Variants in TMEM132C observed in about 807,000 individuals in gnomAD.
TMEM132C encodes transmembrane protein 132C, also known as protein phosphatase 1, regulatory subunit 152.
TMEM132C carries 29 observed loss-of-function variants against 61.4 expected under a neutral mutation model. That is an observed-to-expected ratio of 0.47 (90% confidence interval 0.35 to 0.64). The LOEUF (loss-of-function observed/expected upper bound fraction) is 0.64. Ranked by LOEUF, TMEM132C falls within the 30% of genes least tolerant of loss-of-function variation. The probability of loss-of-function intolerance (pLI) is 0.00; values close to 1 mark genes in which losing one functional copy is unlikely to be tolerated. For synonymous variants in TMEM132C, 656 were observed against 633.1 expected, an observed-to-expected ratio of 1.04 and a Z score of -0.54; for missense variants, 1,408 against 1,476.9, an observed-to-expected ratio of 0.95 and a Z score of 0.76.
At chr12:128,456,940 G>A (rs575219735) in intron 2 of TMEM132C, among the ~76,000 whole-genome samples, 2 of 152,218 alleles carry the variant, frequency 1.3e-5, no homozygotes, top group South Asian at 2.1e-4. Context: ...GGCTTCCTTA[G>A]CTCCGCGTGT....
chr12:128,334,835 A>G (rs1872754451), intron 1 of TMEM132C, among the ~76,000 whole-genome samples: 1 of 152,154 alleles, frequency 6.6e-6, no homozygotes, highest in South Asian at 2.1e-4. Flanking sequence ...TGACCTTGTG[A>G]TCTGCCCGCT....
Position 128,267,292 on chromosome 12 carries a change from C to T in TMEM132C, c.-111C>T. 1.5e-6 allele frequency: 1 copy of T among 667,134 alleles called. No homozygotes were observed. The highest frequency in any genetic ancestry group is 1.8e-6 in the Non-Finnish European group (1 of 541,110). 41.3% of individuals were successfully genotyped at this position (667,134 alleles called of 1,614,324 possible). On this transcript the variant is annotated 5_prime_UTR_variant, in exon 1 of 9. Coordinates refer to ENST00000435159, the MANE Select transcript of TMEM132C (RefSeq NM_001136103.3). ...TCGGACAGCAGAGACGCAGCGGGCCCGGCCGACCGGGCTGCGGGAGTGGCC... is the reference window on the plus strand; with the variant it reads ...TCGGACAGCAGAGACGCAGCGGGCCTGGCCGACCGGGCTGCGGGAGTGGCC...
At chr12:128,591,925 G>A (rs1034228920) in intron 3 of TMEM132C, among the ~76,000 whole-genome samples, 2 of 151,914 alleles carry the variant, frequency 1.3e-5, no homozygotes, top group Non-Finnish European at 1.5e-5. Context: ...GGTGGCACAT[G>A]TCTGTAGTCC....
At chr12:128,428,199 G>C (rs550373129) in intron 2 of TMEM132C, among the ~76,000 whole-genome samples, 1 of 151,930 alleles carries the variant, frequency 6.6e-6, no homozygotes, top group South Asian at 2.1e-4. Context: ...AGCTTATTTT[G>C]GTTGCTACTC....
intron 2 of TMEM132C, among the ~76,000 whole-genome samples, chr12:128,502,877 A>G (rs1402728131): frequency 1.3e-5 from 2 of 152,208 alleles, no homozygotes; most frequent in Admixed American, 6.5e-5. Context: ...CTTTCTTTGA[A>G]TAGAAAACAC....
At position 128,429,512 on chromosome 12, in the gene TMEM132C, G is replaced by T. The variant is rs138265811; in HGVS notation, c.974+13892G>T. On this transcript the variant is annotated intron_variant, in intron 2 of 8. Coordinates refer to ENST00000435159, the MANE Select transcript of TMEM132C (RefSeq NM_001136103.3). The stretch of plus-strand genomic sequence containing the variant: ...CTAAGAGCTCTCTGCTGGGAACCTG[G>T]CAGCCTTTCCTGACAATGCAAGGAG... 5.8e-4 allele frequency among the ~76,000 whole-genome samples: 89 copies of T among 152,238 alleles called. 1 individual carries two copies. Among genetic ancestry groups the T allele is most frequent in the African/African-American group, 2.1e-3 (86 of 41,554 alleles).
chr12:128,498,062 T>G (rs886700790), intron 2 of TMEM132C, among the ~76,000 whole-genome samples: 1 of 152,172 alleles, frequency 6.6e-6, no homozygotes, highest in Non-Finnish European at 1.5e-5. Flanking sequence ...CCTAGCATGT[T>G]TGGGTGGGCT....
intron 1 of TMEM132C, among the ~76,000 whole-genome samples, chr12:128,393,905 G>A (rs1207587062): frequency 2.6e-5 from 4 of 152,160 alleles, no homozygotes; most frequent in Non-Finnish European, 4.4e-5. Flanking sequence ...TGTAGCTCCC[G>A]GCCTGGATAT....
chr12:128,566,786 G>T (rs775234368), intron 3 of TMEM132C, among the ~76,000 whole-genome samples: 4 of 152,102 alleles, frequency 2.6e-5, no homozygotes, highest in Non-Finnish European at 5.9e-5. Context: ...CCAGGGTTCG[G>T]GTTCCAACAT....
chr12:128,414,883 G>A lies in TMEM132C; in HGVS notation c.237G>A (p.Ala79=), dbSNP rs781673309. 1.2e-5 allele frequency: 19 copies of A among 1,551,810 alleles called. No homozygotes were observed. The East Asian group carries it at 2.2e-4, about 18-fold the overall frequency. Reference sequence around the variant, plus strand: ...TGCTGCGGAACTCCAGCCTGCAGGCGAGGGTGGAGTCCTTCTTTACCTACA... The same window carrying A: ...TGCTGCGGAACTCCAGCCTGCAGGCAAGGGTGGAGTCCTTCTTTACCTACA... ...QDLLRNSSLQ[A]RVESFFTYKT... Residue 79 remains alanine, a synonymous_variant, in exon 2 of 9, where the codon GCG becomes GCA. Transcript: ENST00000435159.
intron 3 of TMEM132C, among the ~76,000 whole-genome samples, chr12:128,546,332 T>C (rs1873949684): frequency 6.6e-6 from 1 of 152,224 alleles, no homozygotes; most frequent in Admixed American, 6.5e-5. Flanking sequence ...TAGTGTTGAT[T>C]ATGCAAATGA....
At chr12:128,335,476 G>A (rs767168582) in intron 1 of TMEM132C, among the ~76,000 whole-genome samples, 22 of 152,214 alleles carry the variant, frequency 1.4e-4, no homozygotes, top group Non-Finnish European at 2.5e-4. Flanking sequence ...CTAACTGCCC[G>A]TCATTATATT....
At chr12:128,636,215 T>C (rs892443296) in intron 4 of TMEM132C, among the ~76,000 whole-genome samples, 1 of 152,008 alleles carries the variant, frequency 6.6e-6, no homozygotes, top group African/African-American at 2.4e-5. Context: ...CACCACCAGC[T>C]AATTTTTTAA....
At chr12:128,600,406 C>A (rs1196998311) in intron 3 of TMEM132C, among the ~76,000 whole-genome samples, 23 of 152,220 alleles carry the variant, frequency 1.5e-4, no homozygotes. Context: ...GAGGCCTCCC[C>A]AGCCATGCTG....
chr12:128,541,017 C>T (rs1189554576), intron 2 of TMEM132C, among the ~76,000 whole-genome samples: 1 of 87,156 alleles, frequency 1.1e-5, no homozygotes, highest in Non-Finnish European at 3.3e-5. Flanking sequence ...CTATCTTTCT[C>T]TCTTTCTCTG....
At chr12:128,343,240 A>G (rs1379654933) in intron 1 of TMEM132C, among the ~76,000 whole-genome samples, 1 of 152,136 alleles carries the variant, frequency 6.6e-6, no homozygotes, top group Non-Finnish European at 1.5e-5. Context: ...CCTGGCCAAC[A>G]TGGTGAAACC....
Position 128,433,154 on chromosome 12 carries a change from T to C in TMEM132C, c.974+17534T>C, listed in dbSNP as rs577190854. On this transcript the variant is annotated intron_variant, in intron 2 of 8. Transcript: ENST00000435159. ...CCATGCTGTTGCACACTTAATAGCC[T>C]ACAGTAAGGATAAACATAGCTTTTA... Among the ~76,000 whole-genome samples the C allele has an allele frequency of 2.6e-5, 4 of 152,302 alleles. No homozygotes were observed. In the South Asian group the frequency reaches 8.3e-4, roughly 32 times the overall value.
chr12:128,481,391 C>T (rs987828103), intron 2 of TMEM132C, among the ~76,000 whole-genome samples: 3 of 152,306 alleles, frequency 2.0e-5, no homozygotes, highest in African/African-American at 7.2e-5. Context: ...CCAGGCCGGA[C>T]GGCTTTGGGG....
intron 3 of TMEM132C, among the ~76,000 whole-genome samples, chr12:128,555,295 T>C (rs916767624): frequency 1.3e-5 from 2 of 152,216 alleles, no homozygotes. Context: ...AGGAACGTGC[T>C]CATAGCTGCT....
Sources: gnomAD v4.1 joint callset for allele counts (sites outside exome capture counted in the v4.1 genomes callset) on GRCh38, gnomAD v4.1.1 for gene constraint, MANE v1.5 for transcripts, NCBI Gene and HGNC (gene_info 2026-07-23, HGNC 2026-07-21) for gene names.